LINGO2: variants seen among roughly 807,000 people sequenced by gnomAD.
The protein encoded by LINGO2 is leucine rich repeat and Ig domain containing 2, also known as leucine-rich repeat and immunoglobulin-like domain-containing nogo receptor-interacting protein 2.
A neutral mutation model predicts 30.6 loss-of-function variants in LINGO2; 14 were observed. That is an observed-to-expected ratio of 0.46 (90% CI 0.30 to 0.72). The LOEUF is 0.72. LINGO2 is among the 30% of genes least tolerant of loss of function. LINGO2 has a pLI of 0.07. For missense variants in LINGO2, 729 were observed against 751.7 expected (o/e 0.97, Z 0.35); for synonymous variants, 317 against 288.5 (o/e 1.10, Z -1.00).
chr9:29,169,284 G>A, the LINGO2 span, among the ~76,000 whole-genome samples: 3 of 152,078 alleles, frequency 2.0e-5, no homozygotes, highest in Non-Finnish European at 4.4e-5. Flanking sequence ...AAAAGTGTTG[G>A]AAGAAATGTT....
chr9:29,093,937 T>G, the LINGO2 span, among the ~76,000 whole-genome samples: 1 of 138,242 alleles, frequency 7.2e-6, no homozygotes, highest in Non-Finnish European at 1.6e-5. Context: ...ATATCCAAAT[T>G]TGACAAACTT....
At chr9:28,806,684 G>A in the LINGO2 span, among the ~76,000 whole-genome samples, 4 of 151,946 alleles carry the variant, frequency 2.6e-5, no homozygotes, top group Admixed American at 2.0e-4. Flanking sequence ...AAGTTTCATC[G>A]AAGCCATAGT....
the LINGO2 span, among the ~76,000 whole-genome samples, chr9:29,189,022 C>G: frequency 7.1e-6 from 1 of 141,218 alleles, no homozygotes; most frequent in Non-Finnish European, 1.5e-5. Flanking sequence ...ACCCCCCCAC[C>G]TACCTCCCAG....
At chr9:28,604,599 G>A (rs530907911) in intron 1 of LINGO2, among the ~76,000 whole-genome samples, 1 of 152,106 alleles carries the variant, frequency 6.6e-6, no homozygotes, top group South Asian at 2.1e-4. Flanking sequence ...AACAATGAGA[G>A]TATTTAGAGG....
intron 1 of LINGO2, among the ~76,000 whole-genome samples, chr9:28,571,674 GT>G (rs1453259198): frequency 1.3e-5 from 2 of 152,006 alleles, no homozygotes; most frequent in Admixed American, 1.3e-4. Context: ...ATATGAATTG[GT>G]TTTTTGCATA....
At chr9:28,996,996 C>G in the LINGO2 span, among the ~76,000 whole-genome samples, 1 of 152,168 alleles carries the variant, frequency 6.6e-6, no homozygotes, top group Non-Finnish European at 1.5e-5. Flanking sequence ...CTTGGCCAGG[C>G]AAGGACTGCA....
chr9:27,982,930 C>T (rs901494633), intron 5 of LINGO2, among the ~76,000 whole-genome samples: 1 of 151,716 alleles, frequency 6.6e-6, no homozygotes, highest in Non-Finnish European at 1.5e-5. Flanking sequence ...GTGCTACATA[C>T]ATGTTATCAA....
At chr9:29,169,233 C>A in the LINGO2 span, among the ~76,000 whole-genome samples, 1 of 152,226 alleles carries the variant, frequency 6.6e-6, no homozygotes, top group Non-Finnish European at 1.5e-5. Flanking sequence ...CAGGGGTGAG[C>A]CACCACACCC....
At chr9:28,066,234 C>T (rs12377763) in intron 4 of LINGO2, among the ~76,000 whole-genome samples, 7,902 of 152,074 alleles carry the variant, frequency 0.052, 262 homozygotes, top group Non-Finnish European at 0.079. Context: ...TGTCACATCA[C>T]CTGGCACAAA....
At chr9:28,389,141 C>T (rs1338750282) in intron 2 of LINGO2, among the ~76,000 whole-genome samples, 4 of 152,138 alleles carry the variant, frequency 2.6e-5, no homozygotes, top group Non-Finnish European at 5.9e-5. Flanking sequence ...TCCTTAGATG[C>T]TCACATTAAA....
chr9:28,671,462 G>T (rs983878654), upstream of LINGO2, among the ~76,000 whole-genome samples: 5 of 128,928 alleles, frequency 3.9e-5, no homozygotes, highest in African/African-American at 8.4e-5. Context: ...AAAAGAAAAA[G>T]ATTATGACCT....
At chr9:28,532,364 T>A (rs1308960520) in intron 1 of LINGO2, among the ~76,000 whole-genome samples, 1 of 152,176 alleles carries the variant, frequency 6.6e-6, no homozygotes, top group Admixed American at 6.5e-5. Context: ...TTCAAAGTCC[T>A]CAAACTGTTT....
At chr9:28,412,726 A>C (rs986249094) in intron 2 of LINGO2, among the ~76,000 whole-genome samples, 3 of 152,148 alleles carry the variant, frequency 2.0e-5, no homozygotes, top group Admixed American at 6.6e-5. Context: ...GCAATGACAT[A>C]AAATATGCAT....
the LINGO2 span, among the ~76,000 whole-genome samples, chr9:29,212,820 C>G: frequency 2.6e-5 from 4 of 152,180 alleles, no homozygotes; most frequent in Non-Finnish European, 1.5e-5. Flanking sequence ...TAGCGACGCC[C>G]GGAGAGATCC....
At chr9:29,077,630 A>T in the LINGO2 span, among the ~76,000 whole-genome samples, 1 of 152,068 alleles carries the variant, frequency 6.6e-6, no homozygotes, top group Non-Finnish European at 1.5e-5. Flanking sequence ...TTTAACAAAG[A>T]CACAAAAATC....
chr9:29,033,962 A>G, the LINGO2 span, among the ~76,000 whole-genome samples: 3 of 152,040 alleles, frequency 2.0e-5, no homozygotes, highest in South Asian at 6.2e-4. Flanking sequence ...CGCACCTGTA[A>G]TCTCAGCTAT....
chr9:28,181,267 A>G (rs1828903506), intron 4 of LINGO2, among the ~76,000 whole-genome samples: 1 of 152,140 alleles, frequency 6.6e-6, no homozygotes. Context: ...TGCCAATAGG[A>G]GGGATGTATT....
intron 4 of LINGO2, among the ~76,000 whole-genome samples, chr9:28,022,148 T>G (rs1471460913): frequency 6.6e-6 from 1 of 152,004 alleles, no homozygotes; most frequent in Non-Finnish European, 1.5e-5. Context: ...AAAATTAAAT[T>G]TTGCAATATA....
At chr9:29,028,654 C>A in the LINGO2 span, among the ~76,000 whole-genome samples, 1 of 152,032 alleles carries the variant, frequency 6.6e-6, no homozygotes, top group African/African-American at 2.4e-5. Context: ...AACCTTAATC[C>A]CAAGAGGTCT....
Sources: gnomAD v4.1 joint callset for allele counts (sites outside exome capture counted in the v4.1 genomes callset) on GRCh38, gnomAD v4.1.1 for gene constraint, MANE v1.5 for transcripts, NCBI Gene and HGNC (gene_info 2026-07-23, HGNC 2026-07-21) for gene names.